DNAH5: variants seen among roughly 807,000 people sequenced by gnomAD.
DNAH5 encodes the protein axonemal beta dynein heavy chain 5.
A neutral mutation model predicts 518.2 loss-of-function variants in DNAH5; 372 were observed. That is an observed-to-expected ratio of 0.72 (90% CI 0.66 to 0.78). The LOEUF (loss-of-function observed/expected upper bound fraction) is 0.78. Ranked by LOEUF, DNAH5 falls within the 30% of genes least tolerant of loss-of-function variation. The probability of loss-of-function intolerance (pLI) is 0.00; values close to 1 mark genes in which losing one functional copy is unlikely to be tolerated. For missense variants in DNAH5, 5,523 were observed against 5,687.0 expected (o/e 0.97, Z 0.93); for synonymous variants, 2,039 against 2,025.9 (o/e 1.01, Z -0.17).
Position 13,729,571 on chromosome 5 carries a change from A to C in DNAH5, c.11762-11T>G. The C allele has an allele frequency of 6.2e-7, 1 of 1,602,698 alleles. No individual in the cohort carries two copies. The highest frequency in any genetic ancestry group is 8.5e-7 in the Non-Finnish European group (1 of 1,172,616). On this transcript the variant is annotated splice_polypyrimidine_tract_variant and intron_variant, in intron 68 of 78. Transcript: ENST00000265104. Reference sequence around the variant, plus strand: ...CTAATGAGGCACCTCCTTTAAAATTAAATATTAAATTATCAGATTTCCCTT... The same window carrying C: ...CTAATGAGGCACCTCCTTTAAAATTCAATATTAAATTATCAGATTTCCCTT...
chr5:13,745,665 C>A (rs1502044), intron 65 of DNAH5, among the ~76,000 whole-genome samples: 150,461 of 152,174 alleles, frequency 0.99, 74,389 homozygotes, highest in East Asian at 1. Flanking sequence ...TTTCACAAGA[C>A]GAATCAACAA....
In DNAH5 at chr5:13,721,734, T is replaced by A. The variant is rs143812417; in HGVS notation, c.12034-489A>T. On this transcript the variant is annotated intron_variant, in intron 70 of 78. Coordinates refer to ENST00000265104, the MANE Select transcript of DNAH5 (RefSeq NM_001369.3). ...AATTAGTTTTTAAAGATTTAATCCA[T>A]AATCTCTCTCCTCATCATTGTCGTC... Among the ~76,000 whole-genome samples the A allele has an allele frequency of 6.5e-4, 99 of 152,344 alleles. 2 individuals carry two copies. The highest frequency in any genetic ancestry group is 2.3e-3 in the African/African-American group (94 of 41,586).
chr5:13,748,204 T>A (rs576870268), intron 65 of DNAH5, among the ~76,000 whole-genome samples: 1 of 152,232 alleles, frequency 6.6e-6, no homozygotes, highest in Admixed American at 6.5e-5. Context: ...TGTGGTATTA[T>A]TTCTGAGGGT....
intron 12 of DNAH5, among the ~76,000 whole-genome samples, chr5:13,905,256 T>C (rs1376861719): frequency 6.6e-6 from 1 of 152,210 alleles, no homozygotes; most frequent in Non-Finnish European, 1.5e-5. Flanking sequence ...GTGATGATAT[T>C]AAGAGGTGGC....
chr5:13,987,629 G>A (rs903760437), intron 1 of DNAH5, among the ~76,000 whole-genome samples: 27 of 151,950 alleles, frequency 1.8e-4, no homozygotes, highest in African/African-American at 6.3e-4. Flanking sequence ...GAGGAAGGCA[G>A]ATCACCTGAC....
chr5:13,811,525 A>G lies in DNAH5; in HGVS notation c.7407+122T>C, dbSNP rs1354783019. On this transcript the variant is annotated intron_variant, in intron 44 of 78. Coordinates refer to ENST00000265104, the MANE Select transcript of DNAH5 (RefSeq NM_001369.3). ...TCCCCAACAGCTCTAACCAAATCTA[A>G]TTTCAAATATAGTACTCTCTGTATA... 9.3e-6 allele frequency: 9 copies of G among 966,406 alleles called. No homozygotes were observed. In the Admixed American group the frequency reaches 1.6e-4, roughly 17 times the overall value. The allele number at this position is 966,406 out of a possible 1,614,324, so 59.9% of individuals were successfully genotyped here.
At chr5:13,699,951 A>C (rs926418682) in intron 78 of DNAH5, among the ~76,000 whole-genome samples, 1 of 152,250 alleles carries the variant, frequency 6.6e-6, no homozygotes, top group African/African-American at 2.4e-5. Context: ...AGAAAACATC[A>C]ATCCAATAAC....
intron 38 of DNAH5, among the ~76,000 whole-genome samples, chr5:13,824,985 C>CA (rs1489046744): frequency 6.6e-6 from 1 of 152,056 alleles, no homozygotes; most frequent in Non-Finnish European, 1.5e-5. Flanking sequence ...GGTGGTTCCT[C>CA]AAAAAATTAA....
Position 13,867,863 on chromosome 5 carries a change from AGACTAATTT to A in DNAH5, c.3955_3963del (p.Lys1319_Val1321del), listed in dbSNP as rs1477814104. 1 of 1,614,128 alleles carries A rather than the reference AGACTAATTT, an allele frequency of 6.2e-7. No homozygotes were observed. The highest frequency in any genetic ancestry group is 1.1e-5 in the South Asian group (1 of 91,074). ...TCTTTCTTGAAACTGGGCTGCAGTG[AGACTAATTT>A]ATTCTGGACTTCGCCAGCACGTGCC... On this transcript the variant is annotated inframe_deletion, in exon 25 of 79. Transcript: ENST00000265104.
In DNAH5 at chr5:13,865,375, G is replaced by A. The variant is rs31236; in HGVS notation, c.4355+293C>T. ...CTGCTTTTGTTCCAGATGATAATCTGACATTAACTTCAAATGTTTCATAAG... is the reference window on the plus strand; with the variant it reads ...CTGCTTTTGTTCCAGATGATAATCTAACATTAACTTCAAATGTTTCATAAG... On this transcript the variant is annotated intron_variant, in intron 27 of 78. Transcript: ENST00000265104. 0.81 allele frequency among the ~76,000 whole-genome samples: 123,651 copies of A among 151,964 alleles called. 50,718 individuals carry two copies. Among genetic ancestry groups the A allele is most frequent in the East Asian group, 0.88 (4,541 of 5,170 alleles).
At chr5:13,784,597 T>C (rs377395221) in intron 52 of DNAH5, among the ~76,000 whole-genome samples, 5 of 152,302 alleles carry the variant, frequency 3.3e-5, no homozygotes, top group African/African-American at 1.2e-4. Context: ...AATGGTTGAC[T>C]AGATAACCTC....
chr5:13,826,190 C>T (rs754627661), intron 38 of DNAH5, among the ~76,000 whole-genome samples: 15 of 152,122 alleles, frequency 9.9e-5, no homozygotes, highest in Non-Finnish European at 1.5e-4. Context: ...CAGTATGAGT[C>T]CAACTATTTT....
intron 16 of DNAH5, among the ~76,000 whole-genome samples, chr5:13,892,576 T>C (rs890762048): frequency 6.6e-6 from 1 of 152,182 alleles, no homozygotes; most frequent in Admixed American, 6.5e-5. Context: ...AAAAACATAA[T>C]AGAAAACAAG....
In DNAH5 at chr5:13,919,194, G is replaced by C. The variant is rs746766342; in HGVS notation, c.957C>G (p.Ala319=). ...TGACGACCTTCAGCAGTTTCGACTT[G>C]GCCGCCGCAAGCACTGCCAGCACAG... The part of the protein sequence containing the change: ...VKAVLAVLAA[A]KSKLLKTWRE... The change falls in exon 7 of 79, where the codon GCC becomes GCG. Residue 319 remains alanine, a synonymous_variant. Coordinates refer to ENST00000265104, the MANE Select transcript of DNAH5 (RefSeq NM_001369.3). 3 of 1,613,806 alleles carry C rather than the reference G, an allele frequency of 1.9e-6. No homozygotes were observed. In the African/African-American group the frequency reaches 4.0e-5, roughly 22 times the overall value.
intron 17 of DNAH5, among the ~76,000 whole-genome samples, chr5:13,887,153 G>A (rs1772550843): frequency 6.6e-6 from 1 of 152,176 alleles, no homozygotes; most frequent in South Asian, 2.1e-4. Flanking sequence ...TTCAGGGCCA[G>A]CTCTCACAGG....
intron 78 of DNAH5, among the ~76,000 whole-genome samples, chr5:13,696,568 A>G (rs1484037704): frequency 3.9e-5 from 6 of 152,196 alleles, no homozygotes; most frequent in Admixed American, 3.3e-4. Flanking sequence ...AATTTCCTTC[A>G]TATTAATGTA....
intron 65 of DNAH5, 64 bp downstream of exon 65, chr5:13,751,014 A>G: frequency 1.3e-6 from 2 of 1,537,006 alleles, no homozygotes; most frequent in East Asian, 4.5e-5. Flanking sequence ...TTATTATCTT[A>G]TTTTTGTCAA....
At position 13,928,151 on chromosome 5, in the gene DNAH5, C is replaced by T. The variant is rs1778072400; in HGVS notation, c.220G>A (p.Val74Ile). The change falls in exon 3 of 79, where the codon GTT becomes ATT. Residue 74 changes from valine (V) to isoleucine (I), a missense_variant. Coordinates refer to ENST00000265104, the MANE Select transcript of DNAH5 (RefSeq NM_001369.3). ...QIERIDQLFA[V>I]GGLRHLMFYY... is the part of the protein sequence containing the mutation. ...AACATGAGGTGTCGGAGACCTCCAA[C>T]AGCAAAAAGTTGATCAATTCTTTCA... The T allele has an allele frequency of 1.2e-6, 2 of 1,613,682 alleles. No homozygotes were observed. Among genetic ancestry groups the T allele is most frequent in the African/African-American group, 1.3e-5 (1 of 74,906 alleles).
intron 1 of DNAH5, among the ~76,000 whole-genome samples, chr5:13,958,038 T>A (rs558071025): frequency 4.6e-5 from 7 of 151,954 alleles, no homozygotes; most frequent in African/African-American, 1.7e-4. Context: ...TATTATTGAA[T>A]ATTCTTCAAA....
Sources: allele counts gnomAD v4.1 joint callset (sites outside exome capture counted in the v4.1 genomes callset), GRCh38; gene constraint gnomAD v4.1.1; transcripts MANE v1.5; gene names NCBI Gene and HGNC (gene_info 2026-07-23, HGNC 2026-07-21).